Variants in ACTR3C observed in about 807,000 individuals in gnomAD.
ACTR3C encodes the protein actin-related protein 3C.
ACTR3C carries 18 observed loss-of-function variants against 26.3 expected under a neutral mutation model. The ratio of observed to expected loss-of-function variants is 0.68; its 90% CI spans 0.47 to 1.01. ACTR3C has a LOEUF of 1.01. ACTR3C is among the 50% of genes least tolerant of loss of function. The pLI is 0.00. For synonymous variants in ACTR3C, 55 were observed against 94.5 expected (o/e 0.58, Z 2.42); for missense variants, 184 against 250.7 (o/e 0.73, Z 1.80).
At chr7:149,933,762 TAGTCAG>T in the ACTR3C span, among the ~76,000 whole-genome samples, 1 of 151,924 alleles carries the variant, frequency 6.6e-6, no homozygotes, top group Non-Finnish European at 1.5e-5. Context: ...CACTCAACGC[TAGTCAG>T]ACTCCAGGTG....
At chr7:150,060,410 T>G in the ACTR3C span, among the ~76,000 whole-genome samples, 11 of 152,154 alleles carry the variant, frequency 7.2e-5, no homozygotes, top group Non-Finnish European at 1.3e-4. Flanking sequence ...TGGATTTCTC[T>G]TTTATTCTCC....
At chr7:149,916,376 GC>G in the ACTR3C span, among the ~76,000 whole-genome samples, 2 of 145,128 alleles carry the variant, frequency 1.4e-5, no homozygotes, top group South Asian at 4.5e-4. Context: ...ATTTGTGCTT[GC>G]TCATTACATT....
chr7:150,068,696 T>C, the ACTR3C span, among the ~76,000 whole-genome samples: 3 of 138,598 alleles, frequency 2.2e-5, no homozygotes, highest in Non-Finnish European at 4.5e-5. Flanking sequence ...GGCAGGAGAA[T>C]GGCATGAACC....
At chr7:150,186,571 C>G in the ACTR3C span, among the ~76,000 whole-genome samples, 41 of 152,284 alleles carry the variant, frequency 2.7e-4, no homozygotes, top group Admixed American at 6.5e-4. Context: ...GATCCTCTCT[C>G]CTTTCTTCTT....
At chr7:150,036,154 G>C in the ACTR3C span, among the ~76,000 whole-genome samples, 1 of 136,524 alleles carries the variant, frequency 7.3e-6, no homozygotes, top group Non-Finnish European at 1.7e-5. Context: ...GCCTCGTGGG[G>C]GGTGCCTCCC....
chr7:150,065,095 A>C, the ACTR3C span, among the ~76,000 whole-genome samples: 1 of 151,862 alleles, frequency 6.6e-6, no homozygotes, highest in African/African-American at 2.4e-5. Context: ...ATCAATAAAG[A>C]GAGATGGATT....
intron 6 of ACTR3C, among the ~76,000 whole-genome samples, chr7:150,252,916 GGAT>G (rs1832952972): frequency 6.6e-6 from 1 of 151,528 alleles, no homozygotes; most frequent in Admixed American, 6.6e-5. Context: ...TCTCAATTGT[GGAT>G]GATATTTATA....
chr7:149,968,426 G>A, the ACTR3C span, among the ~76,000 whole-genome samples: 180 of 152,232 alleles, frequency 1.2e-3, no homozygotes, highest in East Asian at 0.029. Flanking sequence ...CCAGCTACTC[G>A]GGAGGCTGAG....
chr7:150,201,917 T>C, the ACTR3C span, among the ~76,000 whole-genome samples: 1 of 152,154 alleles, frequency 6.6e-6, no homozygotes, highest in African/African-American at 2.4e-5. Context: ...AAAGTGCACA[T>C]TTTTCTGCTC....
chr7:150,068,246 C>A, the ACTR3C span, among the ~76,000 whole-genome samples: 74 of 152,200 alleles, frequency 4.9e-4, no homozygotes, highest in African/African-American at 1.6e-3. Context: ...ATCAGTGCTC[C>A]CAACGGTATA....
chr7:150,271,397 C>T (rs1260135312), intron 6 of ACTR3C, among the ~76,000 whole-genome samples: 1 of 151,056 alleles, frequency 6.6e-6, no homozygotes, highest in African/African-American at 2.5e-5. Context: ...CATGTCTTCT[C>T]ATTGTTCAAC....
At chr7:150,033,833 G>A in the ACTR3C span, among the ~76,000 whole-genome samples, 31 of 151,546 alleles carry the variant, frequency 2.0e-4, no homozygotes, top group African/African-American at 2.7e-4. Flanking sequence ...TCCCTGCCTC[G>A]TGGGGGGTGC....
chr7:150,046,178 C>A, the ACTR3C span, among the ~76,000 whole-genome samples: 1 of 152,054 alleles, frequency 6.6e-6, no homozygotes, highest in Non-Finnish European at 1.5e-5. Context: ...GGGGTGTGTA[C>A]CTGTGTGTGT....
At chr7:150,306,673 C>G (rs1279258270) in intron 1 of ACTR3C, among the ~76,000 whole-genome samples, 2 of 152,090 alleles carry the variant, frequency 1.3e-5, no homozygotes, top group African/African-American at 4.8e-5. Flanking sequence ...ACAGCGAGAC[C>G]CGGTTTGGAG....
chr7:150,159,165 T>C, the ACTR3C span, among the ~76,000 whole-genome samples: 1 of 122,636 alleles, frequency 8.2e-6, no homozygotes, highest in African/African-American at 3.3e-5. Context: ...TTATTTGTCA[T>C]ACCTTAACAA....
At chr7:150,046,389 A>G in the ACTR3C span, among the ~76,000 whole-genome samples, 1 of 131,770 alleles carries the variant, frequency 7.6e-6, no homozygotes, top group South Asian at 2.4e-4. Context: ...GCACTAAAGA[A>G]ATATGAAACA....
the ACTR3C span, among the ~76,000 whole-genome samples, chr7:149,924,327 A>T: frequency 8.6e-5 from 13 of 151,818 alleles, no homozygotes; most frequent in African/African-American, 3.1e-4. Flanking sequence ...GTGAGCCAAG[A>T]TCGCTCCATT....
At chr7:150,194,353 T>C in the ACTR3C span, among the ~76,000 whole-genome samples, 2 of 148,726 alleles carry the variant, frequency 1.3e-5, no homozygotes, top group South Asian at 4.2e-4. Context: ...GAGGCAAAAG[T>C]CTTTTATATC....
At chr7:150,149,412 G>T in the ACTR3C span, among the ~76,000 whole-genome samples, 16 of 151,594 alleles carry the variant, frequency 1.1e-4, no homozygotes, top group Non-Finnish European at 2.9e-5. Flanking sequence ...TATTACATAG[G>T]TATACGTGTG....
Sources: allele counts gnomAD v4.1 joint callset (sites outside exome capture counted in the v4.1 genomes callset), GRCh38; gene constraint gnomAD v4.1.1; transcripts MANE v1.5; gene names NCBI Gene and HGNC (gene_info 2026-07-23, HGNC 2026-07-21).